The following SYNE2 variants were observed in gnomAD, a reference collection of about 807,000 sequenced individuals.
The protein encoded by SYNE2 is spectrin repeat containing nuclear envelope protein 2, also known as nesprin-2.
Under a neutral mutation model 856.3 loss-of-function variants are expected in SYNE2, and 431 were observed. The observed-to-expected ratio is 0.50, with a 90% confidence interval of 0.47 to 0.55. The LOEUF is 0.55. SYNE2 is among the 20% of genes least tolerant of loss of function. The pLI is 0.00. For missense variants in SYNE2, 8,129 were observed against 8,023.2 expected (o/e 1.01, Z -0.50); for synonymous variants, 2,923 against 2,872.3 (o/e 1.02, Z -0.56).
At chr14:63,884,936 G>A (rs576161569) in intron 1 of SYNE2, among the ~76,000 whole-genome samples, 37 of 152,154 alleles carry the variant, frequency 2.4e-4, no homozygotes, top group Admixed American at 1.2e-3. Flanking sequence ...CACCGCACCC[G>A]GCCGCCTTTG....
chr14:64,203,136 G>T (rs2098584523), intron 100 of SYNE2, among the ~76,000 whole-genome samples, 173 bp downstream of exon 100: 1 of 152,114 alleles, frequency 6.6e-6, no homozygotes, highest in Non-Finnish European at 1.5e-5. Flanking sequence ...TCTCTTGAGT[G>T]CTCCCTCCCA....
intron 99 of SYNE2, chr14:64,190,580 A>G: frequency 1.4e-6 from 1 of 701,780 alleles, no homozygotes. Flanking sequence ...CAGTGGAGCC[A>G]TGCCCGTTGC....
intron 49 of SYNE2, among the ~76,000 whole-genome samples, chr14:64,061,070 T>C (rs1053650678): frequency 6.6e-6 from 1 of 152,208 alleles, no homozygotes; most frequent in Non-Finnish European, 1.5e-5. Flanking sequence ...CTTTCAGAGA[T>C]ATGAACTAAA....
At chr14:63,773,225 G>T (rs1566557563) in intron 1 of SYNE2, among the ~76,000 whole-genome samples, 1 of 150,770 alleles carries the variant, frequency 6.6e-6, no homozygotes, top group African/African-American at 2.4e-5. Flanking sequence ...TTTTGGACAG[G>T]GTCTCACTCT....
At chr14:64,218,164 C>T (rs1318171964) in intron 108 of SYNE2, 2 of 488,640 alleles carry the variant, frequency 4.1e-6, no homozygotes, top group Non-Finnish European at 7.5e-6. Context: ...CCATCACTGA[C>T]ATCTCATCTG....
At chr14:64,089,074 G>A (rs532908278) in intron 58 of SYNE2, among the ~76,000 whole-genome samples, 290 of 151,986 alleles carry the variant, frequency 1.9e-3, no homozygotes, top group Admixed American at 2.5e-3. Context: ...ATAAAGTTTT[G>A]TTGGTCCCTG....
chr14:64,021,380 C>T lies in SYNE2; in HGVS notation c.5217C>T (p.Asn1739=). 6.2e-7 allele frequency: 1 copy of T among 1,614,176 alleles called. No individual in the cohort carries two copies. Among genetic ancestry groups the T allele is most frequent in the Non-Finnish European group, 8.5e-7 (1 of 1,180,020 alleles). Residue 1739 remains asparagine (N), a synonymous_variant, in exon 36 of 116, where the codon AAC becomes AAT. Coordinates refer to ENST00000555002, the MANE Select transcript of SYNE2 (RefSeq NM_182914.3). ...AGAAGTGCTTAACAGGAGAATCCAA[C>T]TGCCATGCACTCAGTGGCAGCACTG... The part of the protein sequence containing the change: ...HVQKCLTGES[N]CHALSGSTAE...
chr14:64,003,507 G>C (rs550975844), intron 30 of SYNE2, among the ~76,000 whole-genome samples, 177 bp downstream of exon 30: 1 of 152,098 alleles, frequency 6.6e-6, no homozygotes, highest in South Asian at 2.1e-4. Context: ...TGTTGGTATT[G>C]TACCTGTACA....
At chr14:63,918,308 A>G (rs1241501464) in intron 2 of SYNE2, among the ~76,000 whole-genome samples, 2 of 152,226 alleles carry the variant, frequency 1.3e-5, no homozygotes, top group African/African-American at 4.8e-5. Flanking sequence ...TGTTCAAAAC[A>G]TTATTTCCCT....
intron 1 of SYNE2, among the ~76,000 whole-genome samples, chr14:63,770,008 C>T (rs576082336): frequency 9.2e-5 from 14 of 152,110 alleles, no homozygotes; most frequent in African/African-American, 2.2e-4. Context: ...TTGACCTCCG[C>T]GGACAAGCAA....
At chr14:63,962,504 C>T (rs2096333479) in intron 9 of SYNE2, among the ~76,000 whole-genome samples, 1 of 152,270 alleles carries the variant, frequency 6.6e-6, no homozygotes, top group South Asian at 2.1e-4. Context: ...AATTTGAGCA[C>T]ATTTCCGGTT....
chr14:63,822,911 G>A (rs8007407), intron 1 of SYNE2, among the ~76,000 whole-genome samples: 2,905 of 152,132 alleles, frequency 0.019, 40 homozygotes, highest in Admixed American at 0.032. Context: ...TGAGACCAGC[G>A]TGGGCAACAT....
intron 83 of SYNE2, 146 bp downstream of exon 83, chr14:64,144,094 T>C: frequency 1.0e-6 from 1 of 980,136 alleles, no homozygotes; most frequent in South Asian, 1.4e-5. Context: ...TCCTATGTTT[T>C]AGCATTCTCC....
intron 58 of SYNE2, 67 bp from the exon 59 acceptor site, chr14:64,089,507 A>G: frequency 1.3e-6 from 2 of 1,509,712 alleles, no homozygotes; most frequent in Non-Finnish European, 1.8e-6. Context: ...ATTAATGCCA[A>G]TAAACTGTTT....
intron 1 of SYNE2, chr14:63,808,751 G>A (rs932804051): frequency 6.6e-6 from 1 of 152,390 alleles, no homozygotes; most frequent in African/African-American, 2.4e-5. Flanking sequence ...GGCTGGGCGT[G>A]GTGGCTCACG....
At chr14:64,197,086 T>A (rs1241635796) in intron 99 of SYNE2, 1 of 152,352 alleles carries the variant, frequency 6.6e-6, no homozygotes, top group Non-Finnish European at 1.5e-5. Flanking sequence ...ACATAAGGAA[T>A]GATTTTTTCT....
chr14:64,002,788 A>G lies in SYNE2; in HGVS notation c.3855A>G (p.Val1285=), dbSNP rs371327530. ...CNRLEEPGNF[V]LKELHPFDLH... is the part of the protein sequence containing the mutation. ...GCTTAGAAGAGCCAGGCAACTTTGT[A>G]TTAAAGGAGTTACACCCATTTGATC... The change falls in exon 30 of 116, where the codon GTA becomes GTG. Residue 1285 remains valine, a synonymous_variant. Transcript: ENST00000555002. The G allele has an allele frequency of 3.7e-6, 6 of 1,605,608 alleles. No individual in the cohort carries two copies. Among genetic ancestry groups the G allele is most frequent in the Non-Finnish European group, 5.1e-6 (6 of 1,176,468 alleles).
At chr14:63,766,164 C>T (rs1056652247) in intron 1 of SYNE2, among the ~76,000 whole-genome samples, 4 of 151,586 alleles carry the variant, frequency 2.6e-5, no homozygotes, top group Non-Finnish European at 5.9e-5. Flanking sequence ...CTGCAACCTC[C>T]GCCTCCTGGG....
rs2098717667 is a variant in SYNE2, at chr14:64,226,220, C to CTAATGTAAAGTAAATGCCAA, written c.*695_*714dup. The CTAATGTAAAGTAAATGCCAA allele has an allele frequency of 1.3e-5, 2 of 152,090 alleles. No homozygotes were observed. The highest frequency in any genetic ancestry group is 6.6e-5 in the Admixed American group (1 of 15,210). 9.4% of individuals were successfully genotyped at this position (152,090 alleles called of 1,614,324 possible). ...ATTAGATTTTAGCTGGAGCTTTTGACTAATGTAAAGTAAATGCCAAACTAC... is the reference window on the plus strand; with the variant it reads ...ATTAGATTTTAGCTGGAGCTTTTGACTAATGTAAAGTAAATGCCAATAATGTAAAGTAAATGCCAAACTAC... On this transcript the variant is annotated 3_prime_UTR_variant, in exon 116 of 116. Coordinates refer to ENST00000555002, the MANE Select transcript of SYNE2 (RefSeq NM_182914.3).
Sources: gnomAD v4.1 joint callset for allele counts (sites outside exome capture counted in the v4.1 genomes callset) on GRCh38, gnomAD v4.1.1 for gene constraint, MANE v1.5 for transcripts, NCBI Gene and HGNC (gene_info 2026-07-23, HGNC 2026-07-21) for gene names.